The following MACROD2 variants were observed in gnomAD, a reference collection of about 807,000 sequenced individuals.
The protein encoded by MACROD2 is mono-ADP ribosylhydrolase 2, also known as ADP-ribose glycohydrolase MACROD2.
In MACROD2, 36 loss-of-function variants were observed where a neutral mutation model predicts 70.4. That is an observed-to-expected ratio of 0.51 (90% CI 0.39 to 0.68). MACROD2 has a LOEUF of 0.68. Among genes scored for constraint, MACROD2 ranks in the 30% least tolerant of loss-of-function variants. MACROD2 has a pLI of 0.00. For missense variants in MACROD2, 496 were observed against 538.4 expected (o/e 0.92, Z 0.78); for synonymous variants, 172 against 178.8 (o/e 0.96, Z 0.30).
Position 15,292,101 on chromosome 20 carries a change from C to T in MACROD2, c.540+62040C>T, listed in dbSNP as rs573451205. ...TTGCTGCCCAGGCTGAACTCGGACTCCTGGGCTCAAGTGATCCTCCCATCT... is the reference window on the plus strand; with the variant it reads ...TTGCTGCCCAGGCTGAACTCGGACTTCTGGGCTCAAGTGATCCTCCCATCT... On this transcript the variant is annotated intron_variant, in intron 6 of 17. Coordinates refer to ENST00000684519, the MANE Select transcript of MACROD2 (RefSeq NM_001351661.2). 3.2e-4 allele frequency among the ~76,000 whole-genome samples: 49 copies of T among 152,212 alleles called. 1 individual carries two copies. The South Asian group carries it at 9.8e-3, about 30-fold the overall frequency.
chr20:14,787,459 A>T (rs1035406869), intron 5 of MACROD2, among the ~76,000 whole-genome samples: 20 of 152,246 alleles, frequency 1.3e-4, no homozygotes, highest in African/African-American at 4.6e-4. Context: ...ATATGAAGTC[A>T]GAGCGAAGGT....
intron 12 of MACROD2, among the ~76,000 whole-genome samples, chr20:15,946,989 C>T (rs548197215): frequency 1.2e-4 from 18 of 152,276 alleles, no homozygotes; most frequent in African/African-American, 4.3e-4. Context: ...TGGATGTGCA[C>T]ATAGGCCAGA....
At chr20:14,756,319 A>G (rs1257486416) in intron 5 of MACROD2, among the ~76,000 whole-genome samples, 3 of 152,026 alleles carry the variant, frequency 2.0e-5, no homozygotes, top group Non-Finnish European at 4.4e-5. Context: ...TCAGAATAGT[A>G]TTGTCTGACC....
At chr20:14,042,684 G>A (rs1319053873) in intron 2 of MACROD2, among the ~76,000 whole-genome samples, 1 of 152,176 alleles carries the variant, frequency 6.6e-6, no homozygotes, top group African/African-American at 2.4e-5. Context: ...ATTTTTAGTA[G>A]AGATGGGGTT....
chr20:14,484,801 A>G (rs1600289565), intron 3 of MACROD2, among the ~76,000 whole-genome samples: 1 of 152,118 alleles, frequency 6.6e-6, no homozygotes, highest in African/African-American at 2.4e-5. Flanking sequence ...ATACTACTCC[A>G]TTGTGTAGCT....
chr20:16,042,906 C>T (rs2067326721), intron 16 of MACROD2, among the ~76,000 whole-genome samples: 2 of 152,066 alleles, frequency 1.3e-5, no homozygotes, highest in Non-Finnish European at 2.9e-5. Flanking sequence ...TAAAGTCATT[C>T]TCTCTTTCAA....
chr20:15,692,911 T>A (rs1357826240), intron 8 of MACROD2, among the ~76,000 whole-genome samples: 1 of 152,124 alleles, frequency 6.6e-6, no homozygotes, highest in Non-Finnish European at 1.5e-5. Context: ...GAGAGCAGTT[T>A]CCCCCATGCT....
At chr20:14,505,429 A>T (rs2084957997) in intron 4 of MACROD2, among the ~76,000 whole-genome samples, 1 of 152,240 alleles carries the variant, frequency 6.6e-6, no homozygotes, top group Non-Finnish European at 1.5e-5. Flanking sequence ...GCCAATCTTT[A>T]TACCCAAACG....
intron 4 of MACROD2, among the ~76,000 whole-genome samples, chr20:14,548,891 C>T (rs1978458214): frequency 6.6e-6 from 1 of 152,052 alleles, no homozygotes; most frequent in African/African-American, 2.4e-5. Flanking sequence ...TAACCTGGAG[C>T]AACTGGGGTT....
chr20:14,178,030 T>C (rs2081277045), intron 3 of MACROD2, among the ~76,000 whole-genome samples: 1 of 152,140 alleles, frequency 6.6e-6, no homozygotes, highest in South Asian at 2.1e-4. Context: ...AAAAATTTTA[T>C]GCTCAAACTA....
intron 11 of MACROD2, among the ~76,000 whole-genome samples, chr20:15,934,807 C>T (rs529517950): frequency 2.7e-4 from 41 of 152,194 alleles, no homozygotes; most frequent in East Asian, 2.1e-3. Context: ...AAGAGATTTT[C>T]GTGCCTCAGC....
intron 5 of MACROD2, among the ~76,000 whole-genome samples, chr20:14,913,263 T>C (rs2074050921): frequency 6.6e-6 from 1 of 152,206 alleles, no homozygotes; most frequent in Admixed American, 6.5e-5. Flanking sequence ...GTCTCAGTGT[T>C]TGAACTGAGA....
chr20:15,710,212 AAC>A lies in MACROD2; in HGVS notation c.646-152531_646-152530del, dbSNP rs1318554790. 5.3e-5 allele frequency among the ~76,000 whole-genome samples: 8 copies of A among 151,058 alleles called. 1 individual carries two copies. The highest frequency in any genetic ancestry group is 1.9e-4 in the East Asian group (1 of 5,186). ...AAAAAGACAAAAAAAAAAAAAAAAA[AAC>A]AATTGCGGGTAAGGATGCAAAAAAA... On this transcript the variant is annotated intron_variant, in intron 8 of 17. Coordinates refer to ENST00000684519, the MANE Select transcript of MACROD2 (RefSeq NM_001351661.2).
chr20:15,683,568 C>T (rs1351671038), intron 8 of MACROD2, among the ~76,000 whole-genome samples: 1 of 152,086 alleles, frequency 6.6e-6, no homozygotes, highest in Middle Eastern at 3.2e-3. Flanking sequence ...TACCATCCCT[C>T]AGGTTGTTTT....
chr20:15,261,292 C>T (rs778800694), intron 6 of MACROD2, among the ~76,000 whole-genome samples: 28 of 151,800 alleles, frequency 1.8e-4, no homozygotes, highest in Non-Finnish European at 3.7e-4. Flanking sequence ...CCATGTGACT[C>T]CCTAGAATTA....
chr20:15,937,364 G>T (rs2065680227), intron 11 of MACROD2, 112 bp from the exon 12 acceptor site: 2 of 895,160 alleles, frequency 2.2e-6, no homozygotes, highest in East Asian at 5.0e-5. Flanking sequence ...CAAGCATGCG[G>T]CAGGCTCATG....
chr20:15,879,770 C>T (rs1601045759), intron 9 of MACROD2, among the ~76,000 whole-genome samples: 1 of 152,026 alleles, frequency 6.6e-6, no homozygotes, highest in Non-Finnish European at 1.5e-5. Context: ...CTGTTAAGTC[C>T]CAAGATCTGC....
At chr20:14,416,434 G>C (rs1041513402) in intron 3 of MACROD2, among the ~76,000 whole-genome samples, 1 of 152,042 alleles carries the variant, frequency 6.6e-6, no homozygotes, top group Non-Finnish European at 1.5e-5. Context: ...ATAACAAATA[G>C]TGTGTTCATG....
At chr20:15,903,587 G>A (rs555608471) in intron 10 of MACROD2, among the ~76,000 whole-genome samples, 2 of 152,294 alleles carry the variant, frequency 1.3e-5, no homozygotes, top group South Asian at 4.1e-4. Context: ...GTTTGGGGGT[G>A]GGGCTGAGAA....
Sources: allele counts gnomAD v4.1 joint callset (sites outside exome capture counted in the v4.1 genomes callset), GRCh38; gene constraint gnomAD v4.1.1; transcripts MANE v1.5; gene names NCBI Gene and HGNC (gene_info 2026-07-23, HGNC 2026-07-21).